LIN28B: variants seen among roughly 807,000 people sequenced by gnomAD.
LIN28B encodes the protein lin-28 RNA binding posttranscriptional regulator B.
In LIN28B, 5 loss-of-function variants were observed where a neutral mutation model predicts 21.9. That is an observed-to-expected ratio of 0.23 (90% CI 0.12 to 0.48). The LOEUF (loss-of-function observed/expected upper bound fraction) is 0.48. LIN28B is among the 20% of genes least tolerant of loss of function. The pLI, the probability that LIN28B is intolerant of heterozygous loss-of-function variation, is 0.98. For synonymous variants in LIN28B, 109 were observed against 111.3 expected (o/e 0.98, Z 0.13); for missense variants, 245 against 310.5 (o/e 0.79, Z 1.58).
chr6:104,945,987 A>G (rs906198274), intron 2 of LIN28B, among the ~76,000 whole-genome samples: 1 of 152,060 alleles, frequency 6.6e-6, no homozygotes, highest in African/African-American at 2.4e-5. Flanking sequence ...TATTTGTAAT[A>G]TGGTTGAGAA....
intron 2 of LIN28B, among the ~76,000 whole-genome samples, chr6:104,960,397 C>T (rs1769708743): frequency 6.6e-6 from 1 of 151,994 alleles, no homozygotes; most frequent in African/African-American, 2.4e-5. Flanking sequence ...TTTTAAAAAA[C>T]ATTTTTATTA....
intron 2 of LIN28B, among the ~76,000 whole-genome samples, chr6:104,980,181 A>G (rs1238163904): frequency 6.6e-6 from 1 of 152,218 alleles, no homozygotes; most frequent in African/African-American, 2.4e-5. Context: ...TAGTTTTCCT[A>G]AATTTAATAA....
In LIN28B at chr6:105,016,557, G is replaced by A. The variant is rs564374980; in HGVS notation, c.199-9741G>A. ...TGCCTGTCATCAGATAGGACCTTGG[G>A]ACTCTTGATGTCCTCATCTAAGTGA... On this transcript the variant is annotated intron_variant, in intron 2 of 3. Coordinates refer to ENST00000345080, the MANE Select transcript of LIN28B (RefSeq NM_001004317.4). Among the ~76,000 whole-genome samples the A allele has an allele frequency of 9.2e-5, 14 of 152,180 alleles. 1 individual carries two copies. Among genetic ancestry groups the A allele is most frequent in the African/African-American group, 3.1e-4 (13 of 41,516 alleles).
At chr6:105,029,674 C>T (rs143234490) in intron 3 of LIN28B, among the ~76,000 whole-genome samples, 5 of 152,258 alleles carry the variant, frequency 3.3e-5, no homozygotes, top group African/African-American at 1.2e-4. Flanking sequence ...GTGCCAAAGA[C>T]CCACATAAGA....
intron 3 of LIN28B, among the ~76,000 whole-genome samples, chr6:105,067,614 C>T (rs992190723): frequency 6.6e-6 from 1 of 150,862 alleles, no homozygotes; most frequent in Non-Finnish European, 1.5e-5. Flanking sequence ...GACTATCTGT[C>T]TGAGATGTTG....
At chr6:104,964,710 A>G (rs1769821673) in intron 2 of LIN28B, among the ~76,000 whole-genome samples, 1 of 152,314 alleles carries the variant, frequency 6.6e-6, no homozygotes, top group Non-Finnish European at 1.5e-5. Context: ...GGTACATTTA[A>G]AAATGATCTT....
At chr6:104,958,342 C>A in intron 2 of LIN28B, 56 bp downstream of exon 2, 1 of 1,359,192 alleles carries the variant, frequency 7.4e-7, no homozygotes, top group South Asian at 1.6e-5. Flanking sequence ...AGGAGCTGAT[C>A]GGTAGTTATG....
intron 2 of LIN28B, chr6:104,940,903 C>G (rs568570357): frequency 6.5e-6 from 1 of 152,740 alleles, no homozygotes; most frequent in Non-Finnish European, 1.5e-5. Context: ...AAGTGACAGA[C>G]TCCAGGCCCC....
intron 2 of LIN28B, among the ~76,000 whole-genome samples, chr6:104,994,441 C>A (rs2181192): frequency 0.68 from 103,840 of 152,100 alleles, 35,513 homozygotes; most frequent in South Asian, 0.72. Context: ...ATTGTGTTAG[C>A]TATTTAGGAT....
At chr6:105,061,892 A>G (rs183968245) in intron 3 of LIN28B, among the ~76,000 whole-genome samples, 306 of 152,146 alleles carry the variant, frequency 2.0e-3, no homozygotes, top group Non-Finnish European at 3.4e-3. Flanking sequence ...GTAAGATGAA[A>G]GTTTTAAAAA....
At position 105,010,596 on chromosome 6, in the gene LIN28B, C is replaced by G. The variant is rs573917103; in HGVS notation, c.199-15702C>G. 6.6e-5 allele frequency among the ~76,000 whole-genome samples: 10 copies of G among 152,244 alleles called. No homozygotes were observed. In the East Asian group the frequency reaches 1.5e-3, roughly 23 times the overall value. On this transcript the variant is annotated intron_variant, in intron 2 of 3. Coordinates refer to ENST00000345080, the MANE Select transcript of LIN28B (RefSeq NM_001004317.4). ...TTGTATACTTTATATAACTCTGCAT[C>G]TATTATACCTCTGTGGATTCATCTG...
chr6:104,951,347 A>G (rs530347732), intron 3 of LIN28B, among the ~76,000 whole-genome samples: 6 of 152,250 alleles, frequency 3.9e-5, no homozygotes, highest in African/African-American at 1.2e-4. Context: ...AGCAGTAAGG[A>G]TCAAAAAGTT....
At chr6:104,974,066 CCA>C (rs1359803483) in intron 2 of LIN28B, among the ~76,000 whole-genome samples, 1 of 152,128 alleles carries the variant, frequency 6.6e-6, no homozygotes, top group Non-Finnish European at 1.5e-5. Context: ...GCTTTTAAAA[CCA>C]CAGACTGACT....
In LIN28B at chr6:105,023,569, T is replaced by TATATATTATATATAAA. The variant is rs1771211089; in HGVS notation, c.199-2723_199-2722insTATATATAAAATATAT. On this transcript the variant is annotated intron_variant, in intron 2 of 3. Coordinates refer to ENST00000345080, the MANE Select transcript of LIN28B (RefSeq NM_001004317.4). ...ATATATAACCTATATATATATATAA[T>TATATATTATATATAAA]ATATATAATATATATTATATATATT... 7.2e-4 allele frequency among the ~76,000 whole-genome samples: 4 copies of TATATATTATATATAAA among 5,534 alleles called. 2 individuals are homozygous for TATATATTATATATAAA. The highest frequency in any genetic ancestry group is 1.5e-3 in the African/African-American group (2 of 1,330). The allele number at this position is 5,534 out of a possible 152,430, so 3.6% of individuals were successfully genotyped here.
upstream of LIN28B, among the ~76,000 whole-genome samples, chr6:104,956,329 A>G (rs1463883920): frequency 2.6e-5 from 4 of 152,078 alleles, no homozygotes; most frequent in Admixed American, 6.6e-5. Flanking sequence ...CTGGGCTGTT[A>G]TTTAGGAAGT....
At chr6:104,970,965 G>C (rs1291134452) in intron 2 of LIN28B, among the ~76,000 whole-genome samples, 4 of 152,048 alleles carry the variant, frequency 2.6e-5, no homozygotes, top group Middle Eastern at 6.8e-3. Flanking sequence ...TCCTAATTTG[G>C]TGACTTAGTC....
chr6:104,988,535 T>C (rs1770395083), intron 2 of LIN28B, among the ~76,000 whole-genome samples: 1 of 151,732 alleles, frequency 6.6e-6, no homozygotes, highest in South Asian at 2.1e-4. Context: ...ACTATTGATT[T>C]GATTTTTAAA....
At chr6:104,956,561 T>G (rs1425229351), upstream of LIN28B, among the ~76,000 whole-genome samples, 1 of 152,188 alleles carries the variant, frequency 6.6e-6, no homozygotes, top group Non-Finnish European at 1.5e-5. Flanking sequence ...AGGTGTATGT[T>G]TTCATTATCT....
intron 2 of LIN28B, among the ~76,000 whole-genome samples, chr6:104,946,041 C>T (rs1778153091): frequency 6.6e-6 from 1 of 151,580 alleles, no homozygotes; most frequent in African/African-American, 2.4e-5. Flanking sequence ...AAAATACTAC[C>T]CTCTGATTTA....
Sources: allele counts gnomAD v4.1 joint callset (sites outside exome capture counted in the v4.1 genomes callset), GRCh38; gene constraint gnomAD v4.1.1; transcripts MANE v1.5; gene names NCBI Gene and HGNC (gene_info 2026-07-23, HGNC 2026-07-21).